The following KIAA1217 variants were observed in gnomAD, a reference collection of about 807,000 sequenced individuals.
KIAA1217 encodes sickle tail protein homolog.
KIAA1217 carries 88 observed loss-of-function variants against 163.9 expected under a neutral mutation model. The ratio of observed to expected loss-of-function variants is 0.54; its 90% CI spans 0.45 to 0.64. KIAA1217 has a LOEUF of 0.64. Among genes scored for constraint, KIAA1217 ranks in the 30% least tolerant of loss-of-function variants. The probability of loss-of-function intolerance (pLI) is 0.00; values close to 1 mark genes in which losing one functional copy is unlikely to be tolerated. For missense variants in KIAA1217, 2,372 were observed against 2,475.0 expected (o/e 0.96, Z 0.88); for synonymous variants, 903 against 923.1 (o/e 0.98, Z 0.39).
chr10:24,207,489 C>G (rs1192779290), upstream of KIAA1217, among the ~76,000 whole-genome samples: 1 of 152,210 alleles, frequency 6.6e-6, no homozygotes, highest in Non-Finnish European at 1.5e-5. Context: ...CTAGATTCAT[C>G]TGGCCTTTGC....
rs528179423 is a variant in KIAA1217, at chr10:24,480,739, G to A, written c.1679+6679G>A. 2.6e-4 allele frequency among the ~76,000 whole-genome samples: 39 copies of A among 152,320 alleles called. No individual in the cohort carries two copies. The South Asian group carries it at 3.3e-3, about 13-fold the overall frequency. Reference sequence around the variant, plus strand: ...GGATGAGGAACTCCCCGAAGAAGCAGGGAGAGACATTTCTGAATATAATAT... The same window carrying A: ...GGATGAGGAACTCCCCGAAGAAGCAAGGAGAGACATTTCTGAATATAATAT... On this transcript the variant is annotated intron_variant, in intron 6 of 20. Coordinates refer to ENST00000376454, the MANE Select transcript of KIAA1217 (RefSeq NM_019590.5).
At position 23,975,618 on chromosome 10, in the gene KIAA1217, C is replaced by G. The variant is rs150070575; in HGVS notation, c.-320-31607C>G. ...GCACTTACCAGGGTAGAAGGGACTT[C>G]CCATGTCACATGCTGTTGGTGGGAA... On this transcript the variant is annotated intron_variant, in intron 1 of 18. Transcript: ENST00000376462. 3.2e-4 allele frequency among the ~76,000 whole-genome samples: 49 copies of G among 152,240 alleles called. 1 individual carries two copies. In the East Asian group the frequency reaches 9.1e-3, roughly 28 times the overall value.
At chr10:23,819,232 G>A (rs74918199) in intron 1 of KIAA1217, among the ~76,000 whole-genome samples, 1,688 of 152,240 alleles carry the variant, frequency 0.011, 31 homozygotes, top group African/African-American at 0.039. Flanking sequence ...GCATTGTCCA[G>A]GTTCCTTGCA....
rs1056981607 is a variant in KIAA1217 at position 23,792,149 on chromosome 10, C to T, written c.-321+96915C>T. Reference sequence around the variant, plus strand: ...TATGTTTTATCTTTGCAAGCCAGGACACTGGAGGACAAAACAAACATTTAA... The same window carrying T: ...TATGTTTTATCTTTGCAAGCCAGGATACTGGAGGACAAAACAAACATTTAA... On this transcript the variant is annotated intron_variant, in intron 1 of 18. Transcript: ENST00000376462. Among the ~76,000 whole-genome samples, 6 of 152,216 alleles carry T rather than the reference C, an allele frequency of 3.9e-5. No homozygotes were observed. The South Asian group carries it at 8.3e-4, about 21-fold the overall frequency.
intron 2 of KIAA1217, among the ~76,000 whole-genome samples, chr10:24,376,646 C>T (rs2052532106): frequency 6.6e-6 from 1 of 152,132 alleles, no homozygotes; most frequent in South Asian, 2.1e-4. Context: ...CCTGTAGTCC[C>T]AGCTACTCAG....
At chr10:24,348,721 C>T (rs1157758374) in intron 2 of KIAA1217, among the ~76,000 whole-genome samples, 1 of 152,076 alleles carries the variant, frequency 6.6e-6, no homozygotes, top group Non-Finnish European at 1.5e-5. Context: ...AATAAGCAGG[C>T]TAAATTTTCA....
chr10:23,751,440 A>G (rs894946307), intron 1 of KIAA1217, among the ~76,000 whole-genome samples: 5 of 152,176 alleles, frequency 3.3e-5, no homozygotes, highest in Non-Finnish European at 5.9e-5. Context: ...GATCATATGT[A>G]CTGAAGCATT....
chr10:24,451,507 A>G (rs1033599361), intron 5 of KIAA1217, among the ~76,000 whole-genome samples: 1 of 152,224 alleles, frequency 6.6e-6, no homozygotes, highest in African/African-American at 2.4e-5. Flanking sequence ...CAAAGTAATT[A>G]CTGCTAACAG....
chr10:24,325,234 T>C (rs1034553431), intron 2 of KIAA1217, among the ~76,000 whole-genome samples: 1 of 152,198 alleles, frequency 6.6e-6, no homozygotes, highest in African/African-American at 2.4e-5. Flanking sequence ...GTGGTTATAC[T>C]GGGGATTTTC....
intron 1 of KIAA1217, among the ~76,000 whole-genome samples, chr10:23,728,374 G>A (rs555527318): frequency 6.6e-6 from 1 of 152,260 alleles, no homozygotes; most frequent in Admixed American, 6.5e-5. Flanking sequence ...GCATGAGATG[G>A]TATCTCATTG....
rs1385820643 is a variant in KIAA1217, at chr10:24,542,988, A to G, written c.3718A>G (p.Ile1240Val). ...AACATCAGAATATAAAACTGAGATC[A>G]TAATGAAGGAAAATTCCATATCCAA... ...SRTSEYKTEIIMKENSISNMS... is the reference protein window; with the variant it reads ...SRTSEYKTEIVMKENSISNMS... Residue 1240 changes from isoleucine (I) to valine (V), a missense_variant, in exon 19 of 21, where the codon ATA (isoleucine) becomes GTA (valine). Physicochemically the swap from Ile to Val is conservative, Grantham distance 29. Around this residue, in one of 3 missense-constraint regions of KIAA1217, gnomAD observed 251 missense variants for 327.3 expected, o/e 0.77. Transcript: ENST00000376454. The G allele has an allele frequency of 1.9e-6, 3 of 1,613,936 alleles. No individual in the cohort carries two copies. The highest frequency in any genetic ancestry group is 3.3e-5 in the Admixed American group (2 of 60,028).
In KIAA1217 at chr10:24,497,558, C is replaced by A. The variant is rs569942361; in HGVS notation, c.1834+2362C>A. On this transcript the variant is annotated intron_variant, in intron 8 of 20. Transcript: ENST00000376454. Reference sequence around the variant, plus strand: ...GACCAGCCTGGGCAATATTGCAAGACCCTGTCTCCACAAAAAATGAGCGTG... The same window carrying A: ...GACCAGCCTGGGCAATATTGCAAGAACCTGTCTCCACAAAAAATGAGCGTG... Among the ~76,000 whole-genome samples, 20 of 151,948 alleles carry A rather than the reference C, an allele frequency of 1.3e-4. 1 individual carries two copies. The highest frequency in any genetic ancestry group is 1.2e-3 in the Admixed American group (18 of 15,256).
At chr10:24,491,797 C>T (rs1321093311) in intron 6 of KIAA1217, among the ~76,000 whole-genome samples, 1 of 152,118 alleles carries the variant, frequency 6.6e-6, no homozygotes, top group East Asian at 1.9e-4. Flanking sequence ...CTATTTCTTG[C>T]ATTTCTTAAT....
chr10:24,141,018 C>A, intron 2 of KIAA1217, among the ~76,000 whole-genome samples: 1 of 152,138 alleles, frequency 6.6e-6, no homozygotes, highest in East Asian at 1.9e-4. Context: ...CATGAAACAA[C>A]TCTTTGAAGA....
Position 23,790,011 on chromosome 10 carries a change from A to G in KIAA1217, c.-321+94777A>G, listed in dbSNP as rs1163994994. On this transcript the variant is annotated intron_variant, in intron 1 of 18. Transcript: ENST00000376462. The stretch of plus-strand genomic sequence containing the variant: ...TATACATATACACATATGCACATAC[A>G]CATATACACATATGCATATACACAT... 5.6e-5 allele frequency among the ~76,000 whole-genome samples: 7 copies of G among 125,904 alleles called. 1 individual carries two copies. The highest frequency in any genetic ancestry group is 3.3e-4 in the Admixed American group (4 of 12,144). 82.6% of individuals were successfully genotyped at this position (125,904 alleles called of 152,430 possible).
intron 1 of KIAA1217, among the ~76,000 whole-genome samples, chr10:23,709,495 C>T (rs777165875): frequency 6.6e-6 from 1 of 151,044 alleles, no homozygotes; most frequent in Non-Finnish European, 1.5e-5. Context: ...TGCCACTGCA[C>T]TTCAGCATGA....
intron 1 of KIAA1217, among the ~76,000 whole-genome samples, chr10:23,996,744 T>G (rs575704741): frequency 6.6e-6 from 1 of 152,196 alleles, no homozygotes; most frequent in Non-Finnish European, 1.5e-5. Context: ...AAGGCTTTTT[T>G]AAAAATGAAC....
At chr10:24,273,704 C>T (rs1207154479) in intron 2 of KIAA1217, among the ~76,000 whole-genome samples, 3 of 151,598 alleles carry the variant, frequency 2.0e-5, no homozygotes, top group Non-Finnish European at 4.4e-5. Context: ...ATGCAAATAT[C>T]AGCCGGGTGT....
At chr10:24,450,914 C>A (rs898329358) in intron 5 of KIAA1217, among the ~76,000 whole-genome samples, 1 of 152,150 alleles carries the variant, frequency 6.6e-6, no homozygotes, top group Non-Finnish European at 1.5e-5. Context: ...GATGACTTAT[C>A]TTGAAAATAA....
Sources: gnomAD v4.1 joint callset for allele counts (sites outside exome capture counted in the v4.1 genomes callset) on GRCh38, gnomAD v4.1.1 for gene constraint, gnomAD v4.1.1 regional missense constraint, MANE v1.5 for transcripts, NCBI Gene and HGNC (gene_info 2026-07-23, HGNC 2026-07-21) for gene names.